Variants in MICAL3 observed in about 807,000 individuals in gnomAD.
The protein encoded by MICAL3 is microtubule associated monooxygenase, calponin and LIM domain containing 3.
A neutral mutation model predicts 207.4 loss-of-function variants in MICAL3; 62 were observed. The ratio of observed to expected loss-of-function variants is 0.30; its 90% confidence interval spans 0.24 to 0.37. MICAL3 has a LOEUF of 0.37. Ranked by LOEUF, MICAL3 falls within the 10% of genes least tolerant of loss-of-function variation. MICAL3 has a pLI of 1.00. For missense variants in MICAL3, 2,368 were observed against 2,635.6 expected (o/e 0.90, Z 2.22); for synonymous variants, 1,077 against 1,069.3 (o/e 1.01, Z -0.14).
chr22:17,900,331 G>A lies in MICAL3; in HGVS notation c.847+511C>T, dbSNP rs749130437. 6.6e-6 allele frequency among the ~76,000 whole-genome samples: 1 copy of A among 152,214 alleles called. No homozygotes were observed. The highest frequency in any genetic ancestry group is 1.5e-5 in the Non-Finnish European group (1 of 68,036). On this transcript the variant is annotated intron_variant, in intron 6 of 31. Transcript: ENST00000441493. This position sits in a 1 kb window ranked among gnomAD's most constrained non-coding sequence, Gnocchi z 4.0. Reference sequence around the variant, plus strand: ...AAACGAACAAACAAAACCTCAGGCTGGGTGTGGTGGCTCACGCTTGTAATC... The same window carrying A: ...AAACGAACAAACAAAACCTCAGGCTAGGTGTGGTGGCTCACGCTTGTAATC...
At chr22:17,951,103 T>C (rs1438729687) in intron 1 of MICAL3, among the ~76,000 whole-genome samples, 1 of 152,168 alleles carries the variant, frequency 6.6e-6, no homozygotes, top group Admixed American at 6.5e-5. Context: ...CTGGGCCACT[T>C]CCTCCACTGT....
At chr22:17,965,508 G>C (rs149117921) in intron 1 of MICAL3, among the ~76,000 whole-genome samples, 4 of 152,158 alleles carry the variant, frequency 2.6e-5, no homozygotes, top group African/African-American at 9.7e-5. Flanking sequence ...TGAAGATGAG[G>C]CCCCCAGGAA....
intron 19 of MICAL3, among the ~76,000 whole-genome samples, chr22:17,852,931 C>T (rs1002848887): frequency 3.9e-5 from 6 of 151,980 alleles, no homozygotes; most frequent in African/African-American, 1.5e-4. Context: ...AAAAATTAGC[C>T]GGGCGTGGTG....
chr22:17,816,011 G>A (rs1427146343), intron 27 of MICAL3, among the ~76,000 whole-genome samples: 1 of 152,244 alleles, frequency 6.6e-6, no homozygotes, highest in East Asian at 1.9e-4. Context: ...CAGCCAGGAG[G>A]AGGAGCACAG....
At chr22:17,922,811 G>A (rs528354986) in intron 1 of MICAL3, among the ~76,000 whole-genome samples, 17 of 152,298 alleles carry the variant, frequency 1.1e-4, no homozygotes, top group African/African-American at 3.6e-4. Context: ...AATGGGGAAT[G>A]AGGGCTAGCT....
chr22:17,974,097 C>A (rs553862861), intron 1 of MICAL3, among the ~76,000 whole-genome samples: 32 of 152,122 alleles, frequency 2.1e-4, no homozygotes, highest in Non-Finnish European at 3.8e-4. Flanking sequence ...AGGCTCAGGG[C>A]AAAGAATGAC....
Position 17,827,444 on chromosome 22 carries a change from C to T in MICAL3, c.3193+200G>A, listed in dbSNP as rs1163812815. On this transcript the variant is annotated intron_variant, in intron 22 of 31. Coordinates refer to ENST00000441493, the MANE Select transcript of MICAL3 (RefSeq NM_015241.3). ...TCAATGGAGAAAGAGTCCACAACCT[C>T]TTAATCCACAGAGAACTTCACATAT... Among the ~76,000 whole-genome samples, 3 of 152,230 alleles carry T rather than the reference C, an allele frequency of 2.0e-5. No individual in the cohort carries two copies. The East Asian group carries it at 5.8e-4, about 29-fold the overall frequency.
chr22:17,923,921 G>A (rs544792596), intron 1 of MICAL3, among the ~76,000 whole-genome samples: 5 of 152,318 alleles, frequency 3.3e-5, no homozygotes, highest in Non-Finnish European at 7.3e-5. Context: ...TCACAGTTCA[G>A]CACGGCTGGG....
intron 1 of MICAL3, among the ~76,000 whole-genome samples, chr22:17,949,278 A>G (rs973432219): frequency 2.6e-5 from 4 of 152,230 alleles, no homozygotes; most frequent in Admixed American, 6.5e-5. Context: ...GTAACTGAAC[A>G]CTTAGCTCTG....
chr22:17,831,890 C>T lies in MICAL3; in HGVS notation c.3019G>A (p.Glu1007Lys), dbSNP rs779188414. 1.3e-6 allele frequency: 2 copies of T among 1,554,502 alleles called. No homozygotes were observed. The highest frequency in any genetic ancestry group is 1.7e-6 in the Non-Finnish European group (2 of 1,148,588). Residue 1007 changes from glutamate (E) to lysine (K), a missense_variant, in exon 21 of 32, where the codon GAG becomes AAG. By Grantham distance (56) the Glu-to-Lys change is moderately conservative. Transcript: ENST00000441493. ...TCTTCCTCCTCCTCGTCATAGTCCTCCTCCTCCTCCTCTTCATATTCTTCC... is the reference window on the plus strand; with the variant it reads ...TCTTCCTCCTCCTCGTCATAGTCCTTCTCCTCCTCCTCTTCATATTCTTCC... ...EEEEYEEEEE[E>K]DYDEEEEESS...
chr22:17,945,119 G>A (rs1048943292), intron 1 of MICAL3, among the ~76,000 whole-genome samples: 1 of 151,026 alleles, frequency 6.6e-6, no homozygotes, highest in Non-Finnish European at 1.5e-5. Context: ...TTAGGGCTGA[G>A]TGCTGTCAAC....
rs575626301 is a variant in MICAL3 at position 18,002,462 on chromosome 22, G to C, written c.-75+21819C>G. 2.0e-5 allele frequency among the ~76,000 whole-genome samples: 3 copies of C among 151,844 alleles called. 1 individual carries two copies. The South Asian group carries it at 6.2e-4, about 32-fold the overall frequency. On this transcript the variant is annotated intron_variant, in intron 1 of 31. Transcript: ENST00000441493. ...GGCCTTACCAACATGGTGAAACCCC[G>C]TCTCTACTAAAAATACAAAAAATAG...
intron 21 of MICAL3, among the ~76,000 whole-genome samples, chr22:17,828,057 A>G (rs1277984723): frequency 6.6e-6 from 1 of 152,162 alleles, no homozygotes; most frequent in East Asian, 1.9e-4. Flanking sequence ...GAAGAGAATC[A>G]CACATTCCTT....
At chr22:17,984,180 A>G (rs960899551) in intron 1 of MICAL3, among the ~76,000 whole-genome samples, 1 of 151,982 alleles carries the variant, frequency 6.6e-6, no homozygotes, top group African/African-American at 2.4e-5. Flanking sequence ...CCCACTCTCA[A>G]CACCTAGACT....
chr22:18,012,628 G>A (rs1923819429), intron 1 of MICAL3, among the ~76,000 whole-genome samples: 2 of 152,242 alleles, frequency 1.3e-5, no homozygotes, highest in African/African-American at 4.8e-5. Flanking sequence ...TCCTGCAGGA[G>A]CACCTTGTCA....
At chr22:17,928,703 C>T (rs78120593) in intron 1 of MICAL3, among the ~76,000 whole-genome samples, 27 of 152,276 alleles carry the variant, frequency 1.8e-4, no homozygotes, top group Non-Finnish European at 2.9e-4. Context: ...TGTTTCATAC[C>T]GTGGCTTTAT....
chr22:17,891,030 T>A (rs184449187), intron 12 of MICAL3, among the ~76,000 whole-genome samples: 86 of 152,346 alleles, frequency 5.6e-4, no homozygotes, highest in African/African-American at 2.0e-3. Context: ...CTGTTCATGA[T>A]GTTTTGCTTT....
chr22:17,793,434 G>A lies in MICAL3; in HGVS notation c.5651-2133C>T, dbSNP rs965503465. On this transcript the variant is annotated intron_variant, in intron 29 of 31. Transcript: ENST00000441493. This position sits in a 1 kb window ranked among gnomAD's most constrained non-coding sequence, Gnocchi z 4.1. ...CACCTGCATGCCTGCCCCTCTATCTGATGGATCTGAGACTTAAAGCCCCAG... is the reference window on the plus strand; with the variant it reads ...CACCTGCATGCCTGCCCCTCTATCTAATGGATCTGAGACTTAAAGCCCCAG... Among the ~76,000 whole-genome samples the A allele has an allele frequency of 6.6e-6, 1 of 152,140 alleles. No individual in the cohort carries two copies. Among genetic ancestry groups the A allele is most frequent in the Admixed American group, 6.5e-5 (1 of 15,282 alleles).
At chr22:17,974,697 C>A (rs1935561791) in intron 1 of MICAL3, among the ~76,000 whole-genome samples, 1 of 146,952 alleles carries the variant, frequency 6.8e-6, no homozygotes, top group Non-Finnish European at 1.5e-5. Context: ...GCACTCCAGC[C>A]TGGATAACAG....
Sources: gnomAD v4.1 joint callset for allele counts (sites outside exome capture counted in the v4.1 genomes callset) on GRCh38, gnomAD v4.1.1 for gene constraint, Gnocchi (gnomAD v3.1) non-coding constraint, MANE v1.5 for transcripts, NCBI Gene and HGNC (gene_info 2026-07-23, HGNC 2026-07-21) for gene names.